The following POLDIP3 variants were observed in gnomAD, a reference collection of about 807,000 sequenced individuals.
POLDIP3 encodes DNA polymerase delta interacting protein 3.
In POLDIP3, 14 loss-of-function variants were observed where a neutral mutation model predicts 45.1. The ratio of observed to expected loss-of-function variants is 0.31; its 90% CI spans 0.20 to 0.49. The LOEUF (loss-of-function observed/expected upper bound fraction) is 0.49, where lower values mean the gene tolerates loss of function less well. Ranked by LOEUF, POLDIP3 falls within the 20% of genes least tolerant of loss-of-function variation. POLDIP3 has a pLI of 0.99. For synonymous variants in POLDIP3, 223 were observed against 205.2 expected (o/e 1.09, Z -0.74); for missense variants, 511 against 538.8 (o/e 0.95, Z 0.51).
intron 1 of POLDIP3, among the ~76,000 whole-genome samples, chr22:42,607,916 C>T (rs367901979): frequency 2.6e-5 from 4 of 151,666 alleles, no homozygotes; most frequent in African/African-American, 9.7e-5. Context: ...GCCCGGCAGC[C>T]GCCCCGTCTG....
intron 7 of POLDIP3, among the ~76,000 whole-genome samples, chr22:42,588,410 A>G (rs1925450061): frequency 2.0e-5 from 3 of 150,100 alleles, no homozygotes. Context: ...AGCAGAGACC[A>G]CATGCCACTG....
chr22:42,599,270 A>G (rs535935032), intron 4 of POLDIP3, among the ~76,000 whole-genome samples: 4 of 152,358 alleles, frequency 2.6e-5, no homozygotes, highest in African/African-American at 9.6e-5. Flanking sequence ...CCAGCTCTGA[A>G]AATCTTACGG....
At chr22:42,594,383 C>A (rs1027556984) in intron 6 of POLDIP3, among the ~76,000 whole-genome samples, 2 of 151,926 alleles carry the variant, frequency 1.3e-5, no homozygotes, top group African/African-American at 4.8e-5. Context: ...TAGTGGCAGG[C>A]GCCTCTAATC....
At chr22:42,606,371 A>G (rs775970596) in intron 1 of POLDIP3, among the ~76,000 whole-genome samples, 5 of 151,736 alleles carry the variant, frequency 3.3e-5, no homozygotes, top group African/African-American at 7.3e-5. Context: ...GGCTCACACC[A>G]TGTAATCTCA....
chr22:42,603,299 C>T (rs1020320781), intron 1 of POLDIP3, 139 bp from the exon 2 acceptor site: 14 of 836,596 alleles, frequency 1.7e-5, no homozygotes, highest in South Asian at 3.6e-5. Flanking sequence ...ATTGAATAAA[C>T]GATTATGCCT....
chr22:42,602,660 G>T, intron 2 of POLDIP3, 110 bp downstream of exon 2: 2 of 1,271,084 alleles, frequency 1.6e-6, no homozygotes, highest in Non-Finnish European at 2.2e-6. Flanking sequence ...TCTGTATTAT[G>T]CCAACACTTG....
At chr22:42,602,662 C>T in intron 2 of POLDIP3, 108 bp downstream of exon 2, 3 of 1,300,300 alleles carry the variant, frequency 2.3e-6, no homozygotes, top group Non-Finnish European at 3.2e-6. Context: ...TGTATTATGC[C>T]AACACTTGAG....
In POLDIP3 at chr22:42,596,308, C is replaced by G. The variant is rs777007945; in HGVS notation, c.691G>C (p.Val231Leu). The G allele has an allele frequency of 1.4e-5, 23 of 1,613,994 alleles. No individual in the cohort carries two copies. Among genetic ancestry groups the G allele is most frequent in the Non-Finnish European group, 1.5e-5 (18 of 1,180,000 alleles). The change falls in exon 5 of 9, where the codon GTT becomes CTT. Residue 231 changes from valine (V) to leucine (L), a missense_variant. By Grantham distance (32) the Val-to-Leu change is conservative. This residue lies in a region of POLDIP3 where 378 missense variants were observed against 352.3 expected (regional missense o/e 1.07). Coordinates refer to ENST00000252115, the MANE Select transcript of POLDIP3 (RefSeq NM_032311.5). ...MSKALPLTKV[V>L]QNDAYTAPAL... Reference sequence around the variant, plus strand: ...GGAGCTGTGTATGCATCATTCTGAACCACTTTGGTGAGAGGGAGGGCCTTG... The same window carrying G: ...GGAGCTGTGTATGCATCATTCTGAAGCACTTTGGTGAGAGGGAGGGCCTTG...
At chr22:42,606,412 C>T (rs1926732236) in intron 1 of POLDIP3, among the ~76,000 whole-genome samples, 1 of 152,084 alleles carries the variant, frequency 6.6e-6, no homozygotes, top group Admixed American at 6.6e-5. Flanking sequence ...AGGAGGATGG[C>T]TTGAGCCCAG....
At chr22:42,602,133 G>A (rs1246724983) in intron 2 of POLDIP3, 77 bp from the exon 3 acceptor site, 1 of 1,603,708 alleles carries the variant, frequency 6.2e-7, no homozygotes, top group East Asian at 2.2e-5. Flanking sequence ...TACTGAACTT[G>A]ATACATGGTG....
At chr22:42,614,420 G>A (rs546867409) in intron 1 of POLDIP3, among the ~76,000 whole-genome samples, 106 of 152,342 alleles carry the variant, frequency 7.0e-4, no homozygotes, top group Non-Finnish European at 1.4e-3. Flanking sequence ...TCTAAGATGG[G>A]TGGAGACCAG....
At position 42,585,619 on chromosome 22, in the gene POLDIP3, C is replaced by G; in HGVS notation, c.*172G>C. 1 of 719,880 alleles carries G rather than the reference C, an allele frequency of 1.4e-6. No homozygotes were observed. Among genetic ancestry groups the G allele is most frequent in the Non-Finnish European group, 2.4e-6 (1 of 421,796 alleles). The allele number at this position is 719,880 out of a possible 1,614,324, so 44.6% of individuals were successfully genotyped here. A position where few individuals can be genotyped will look rare whatever the true frequency, so the allele number is the denominator to read the frequency against. ...TTAACGTAGAGAGAAGAGCACAGGG[C>G]AGAACACAACACAGAAAGGCGGGTC... On this transcript the variant is annotated 3_prime_UTR_variant, in exon 9 of 9. Coordinates refer to ENST00000252115, the MANE Select transcript of POLDIP3 (RefSeq NM_032311.5).
chr22:42,605,205 G>C (rs764224928), intron 1 of POLDIP3, among the ~76,000 whole-genome samples: 1 of 152,196 alleles, frequency 6.6e-6, no homozygotes, highest in Non-Finnish European at 1.5e-5. Context: ...TTGGCTCACC[G>C]CAAGCTCCGC....
At chr22:42,612,242 A>T (rs983038306) in intron 1 of POLDIP3, among the ~76,000 whole-genome samples, 5 of 152,234 alleles carry the variant, frequency 3.3e-5, no homozygotes, top group African/African-American at 1.2e-4. Flanking sequence ...GTTGTCAGGA[A>T]CTTTTCAATG....
Position 42,599,791 on chromosome 22 carries a change from A to G in POLDIP3, c.540T>C (p.Asn180=). ...NVVNNHQAKQ[N]LYDLDEDDDG... ...CATCATCTTCATCCAGGTCATATAA[A>G]TTCTGAGAATATAACATAAAGAAAT... Residue 180 remains asparagine, a splice_region_variant and synonymous_variant, in exon 4 of 9, where the codon AAT becomes AAC. Transcript: ENST00000252115. 1.3e-6 allele frequency: 2 copies of G among 1,596,404 alleles called. No individual in the cohort carries two copies. Among genetic ancestry groups the G allele is most frequent in the Non-Finnish European group, 1.7e-6 (2 of 1,164,892 alleles).
chr22:42,608,910 A>G (rs555020866), intron 1 of POLDIP3, among the ~76,000 whole-genome samples: 64 of 152,314 alleles, frequency 4.2e-4, no homozygotes, highest in African/African-American at 1.5e-3. Context: ...TCTTTCGTGA[A>G]CAGCTTGAGG....
At chr22:42,601,379 C>CAA (rs113485417) in intron 3 of POLDIP3, among the ~76,000 whole-genome samples, 22 of 120,264 alleles carry the variant, frequency 1.8e-4, no homozygotes, top group African/African-American at 5.8e-4. Flanking sequence ...AAACAAAAGA[C>CAA]AAAAAAAAAA....
intron 7 of POLDIP3, 46 bp downstream of exon 7, chr22:42,591,909 T>C (rs776046892): frequency 3.7e-6 from 6 of 1,611,960 alleles, no homozygotes; most frequent in Non-Finnish European, 5.1e-6. Flanking sequence ...TGACAGCAAG[T>C]AGAGATGAGT....
chr22:42,614,785 G>A lies in POLDIP3; in HGVS notation c.59+14C>T, dbSNP rs772931452. The A allele has an allele frequency of 9.3e-6, 15 of 1,613,850 alleles. 1 individual carries two copies. Among genetic ancestry groups the A allele is most frequent in the South Asian group, 5.5e-5 (5 of 91,090 alleles). ...CGAGGACCCTAAACCCCGAAGAAAG[G>A]AAAGGCCTCTCACCGTCCTTTCGCC... is the stretch of plus-strand genomic sequence containing the variant. On this transcript the variant is annotated intron_variant, in intron 1 of 8. Transcript: ENST00000252115.
Sources: gnomAD v4.1 joint callset for allele counts (sites outside exome capture counted in the v4.1 genomes callset) on GRCh38, gnomAD v4.1.1 for gene constraint, gnomAD v4.1.1 regional missense constraint, MANE v1.5 for transcripts, NCBI Gene and HGNC (gene_info 2026-07-23, HGNC 2026-07-21) for gene names.